The following ANKS1B variants were observed in gnomAD, a reference collection of about 807,000 sequenced individuals.
The protein encoded by ANKS1B is ankyrin repeat and sterile alpha motif domain-containing protein 1B.
In ANKS1B, 36 loss-of-function variants were observed where a neutral mutation model predicts 148.3. That is an observed-to-expected ratio of 0.24 (90% CI 0.19 to 0.32). ANKS1B has a LOEUF of 0.32. Among genes scored for constraint, ANKS1B ranks in the 10% least tolerant of loss-of-function variants. The pLI is 1.00. For missense variants in ANKS1B, 1,157 were observed against 1,542.6 expected (o/e 0.75, Z 4.19); for synonymous variants, 542 against 560.8 (o/e 0.97, Z 0.47).
intron 9 of ANKS1B, among the ~76,000 whole-genome samples, chr12:99,584,324 G>C (rs944110483): frequency 2.0e-5 from 3 of 152,160 alleles, no homozygotes; most frequent in African/African-American, 7.2e-5. Flanking sequence ...TATAGGCCAG[G>C]CACCATGGCT....
At position 98,801,160 on chromosome 12, in the gene ANKS1B, CA is replaced by C. The variant is rs1432916527; in HGVS notation, c.3142-36del. Reference sequence around the variant, plus strand: ...ACATTTATTCTAGAGGCAATATGAGCAGTCAGCAAAGTTCATTCCCTGTAGC... The same window carrying C: ...ACATTTATTCTAGAGGCAATATGAGCGTCAGCAAAGTTCATTCCCTGTAGC... On this transcript the variant is annotated intron_variant, in intron 20 of 26. Transcript: ENST00000683438. This position sits in a 1 kb window ranked among gnomAD's most constrained non-coding sequence, Gnocchi z 5.2. 1.2e-6 allele frequency: 2 copies of C among 1,606,206 alleles called. No individual in the cohort carries two copies. Among genetic ancestry groups the C allele is most frequent in the African/African-American group, 2.7e-5 (2 of 74,938 alleles).
At chr12:98,818,106 A>C (rs1323294841) in intron 19 of ANKS1B, among the ~76,000 whole-genome samples, 1 of 151,526 alleles carries the variant, frequency 6.6e-6, no homozygotes, top group Non-Finnish European at 1.5e-5. Flanking sequence ...TTCCCTTTCC[A>C]AACTCCCTTC....
intron 8 of ANKS1B, among the ~76,000 whole-genome samples, chr12:99,682,187 C>A (rs2098623793): frequency 6.6e-6 from 1 of 152,172 alleles, no homozygotes; most frequent in African/African-American, 2.4e-5. Flanking sequence ...CCACTGACAG[C>A]ACTAGACAGG....
chr12:99,008,865 T>G (rs2099937669), intron 17 of ANKS1B, among the ~76,000 whole-genome samples: 1 of 152,120 alleles, frequency 6.6e-6, no homozygotes, highest in Non-Finnish European at 1.5e-5. Context: ...AAATGACCCC[T>G]AGCAGAAACT....
intron 14 of ANKS1B, among the ~76,000 whole-genome samples, chr12:99,185,607 T>C (rs1018171208): frequency 1.3e-5 from 2 of 152,142 alleles, no homozygotes; most frequent in South Asian, 2.1e-4. Context: ...GTAGAAGCAG[T>C]GTGAGGTGTC....
intron 17 of ANKS1B, among the ~76,000 whole-genome samples, chr12:98,944,648 T>A (rs1369793019): frequency 6.6e-6 from 1 of 152,186 alleles, no homozygotes; most frequent in African/African-American, 2.4e-5. Flanking sequence ...CCCAACTGTC[T>A]ACTGTCTGTC....
intron 9 of ANKS1B, among the ~76,000 whole-genome samples, chr12:99,643,529 C>T (rs559941242): frequency 6.6e-6 from 1 of 152,168 alleles, no homozygotes; most frequent in Non-Finnish European, 1.5e-5. Flanking sequence ...TCTACCCTCT[C>T]GGGCCTCAGT....
intron 10 of ANKS1B, among the ~76,000 whole-genome samples, chr12:99,454,151 T>C (rs1373043218): frequency 6.6e-6 from 1 of 152,148 alleles, no homozygotes; most frequent in Non-Finnish European, 1.5e-5. Context: ...TGAATGGAGA[T>C]GATGTTGGCA....
At chr12:99,100,099 A>G (rs757894589) in intron 15 of ANKS1B, among the ~76,000 whole-genome samples, 17 of 152,196 alleles carry the variant, frequency 1.1e-4, no homozygotes, top group East Asian at 3.9e-4. Context: ...TTACCATCCA[A>G]TGATCTGTGG....
At chr12:99,592,918 T>C (rs1292675318) in intron 9 of ANKS1B, among the ~76,000 whole-genome samples, 3 of 152,078 alleles carry the variant, frequency 2.0e-5, no homozygotes, top group African/African-American at 4.8e-5. Flanking sequence ...TTCCAAGCTA[T>C]AGGTTGATTA....
intron 1 of ANKS1B, among the ~76,000 whole-genome samples, chr12:99,955,929 G>C (rs1215885708): frequency 2.6e-5 from 4 of 152,036 alleles, no homozygotes; most frequent in Admixed American, 2.6e-4. Context: ...AATTGTAAAA[G>C]AAATAAAATC....
intron 9 of ANKS1B, among the ~76,000 whole-genome samples, chr12:99,540,486 G>GA (rs2097114589): frequency 6.6e-6 from 1 of 151,944 alleles, no homozygotes; most frequent in Non-Finnish European, 1.5e-5. Flanking sequence ...GACCATAATA[G>GA]AAAAAAATTA....
At chr12:99,825,158 C>T (rs2083028820) in intron 2 of ANKS1B, 151 bp downstream of exon 2, 2 of 616,206 alleles carry the variant, frequency 3.2e-6, no homozygotes, top group Non-Finnish European at 5.8e-6. Context: ...CCTACCAAGT[C>T]TAACTTGTCA....
intron 15 of ANKS1B, among the ~76,000 whole-genome samples, chr12:99,112,218 T>C (rs1226643445): frequency 6.6e-6 from 1 of 152,162 alleles, no homozygotes; most frequent in African/African-American, 2.4e-5. Flanking sequence ...AATCACACTT[T>C]CCTCATGCCT....
rs545377339 is a variant in ANKS1B at position 99,144,996 on chromosome 12, A to C, written c.2526+9293T>G. Among the ~76,000 whole-genome samples, 8 of 152,218 alleles carry C rather than the reference A, an allele frequency of 5.3e-5. No individual in the cohort carries two copies. The East Asian group carries it at 1.5e-3, about 29-fold the overall frequency. On this transcript the variant is annotated intron_variant, in intron 15 of 26. Transcript: ENST00000683438. ...TTGTTGTGGCAGCCATAGCAAACTG[A>C]TATGAAGACCTACTATGTGCTAGTA...
chr12:99,710,866 T>A (rs1323695070), intron 8 of ANKS1B, among the ~76,000 whole-genome samples: 4 of 152,144 alleles, frequency 2.6e-5, no homozygotes, highest in South Asian at 4.1e-4. Flanking sequence ...AGCCCATATA[T>A]TTGAGCTTAA....
chr12:99,535,483 C>G (rs2097056428), intron 9 of ANKS1B, among the ~76,000 whole-genome samples: 1 of 152,194 alleles, frequency 6.6e-6, no homozygotes, highest in African/African-American at 2.4e-5. Flanking sequence ...CAATTATTCT[C>G]AAATTATTCC....
intron 11 of ANKS1B, among the ~76,000 whole-genome samples, chr12:99,442,618 G>T (rs1481849707): frequency 2.0e-5 from 3 of 151,850 alleles, no homozygotes; most frequent in African/African-American, 7.2e-5. Flanking sequence ...ATTGATGAAG[G>T]ATATAGGAAA....
chr12:99,602,546 T>C (rs1475572469), intron 9 of ANKS1B, among the ~76,000 whole-genome samples: 2 of 152,112 alleles, frequency 1.3e-5, no homozygotes, highest in Non-Finnish European at 2.9e-5. Context: ...GTGAAGACAG[T>C]GCAGGCAGTG....
Sources: allele counts gnomAD v4.1 joint callset (sites outside exome capture counted in the v4.1 genomes callset), GRCh38; gene constraint gnomAD v4.1.1; non-coding constraint Gnocchi (gnomAD v3.1); transcripts MANE v1.5; gene names NCBI Gene and HGNC (gene_info 2026-07-23, HGNC 2026-07-21).